HACE1: variants seen among roughly 807,000 people sequenced by gnomAD.
The protein encoded by HACE1 is E3 ubiquitin-protein ligase HACE1.
Under a neutral mutation model 118.4 loss-of-function variants are expected in HACE1, and 73 were observed. That is an observed-to-expected ratio of 0.62 (90% CI 0.51 to 0.75). The LOEUF is 0.75. Among genes scored for constraint, HACE1 ranks in the 30% least tolerant of loss-of-function variants. HACE1 has a pLI of 0.00. For synonymous variants in HACE1, 368 were observed against 374.8 expected (o/e 0.98, Z 0.21); for missense variants, 749 against 1,102.2 (o/e 0.68, Z 4.54).
intron 19 of HACE1, among the ~76,000 whole-genome samples, chr6:104,756,751 C>T (rs1160282963): frequency 6.6e-6 from 1 of 152,168 alleles, no homozygotes; most frequent in Non-Finnish European, 1.5e-5. Context: ...GTCGTTTCAC[C>T]CGGGAAGCGC....
intron 7 of HACE1, among the ~76,000 whole-genome samples, chr6:104,800,317 C>G (rs1770178848): frequency 6.6e-6 from 1 of 152,226 alleles, no homozygotes; most frequent in Admixed American, 6.5e-5. Context: ...CAGATAACTT[C>G]TGCAGACTGA....
chr6:104,753,818 T>C (rs1033505388), intron 19 of HACE1, among the ~76,000 whole-genome samples: 1 of 152,136 alleles, frequency 6.6e-6, no homozygotes, highest in Non-Finnish European at 1.5e-5. Flanking sequence ...ACAAAAATGC[T>C]GAAAACTCAA....
chr6:104,787,435 T>C (rs1782554517), intron 11 of HACE1: 3 of 152,178 alleles, frequency 2.0e-5, no homozygotes, highest in Admixed American at 1.3e-4. Flanking sequence ...AAGTTGAAAC[T>C]ATAGTTTCTC....
chr6:104,845,042 T>C (rs1775512589), intron 4 of HACE1, among the ~76,000 whole-genome samples: 1 of 152,164 alleles, frequency 6.6e-6, no homozygotes, highest in Non-Finnish European at 1.5e-5. Context: ...CAATACAGTG[T>C]GTATATGTTA....
At chr6:104,738,787 G>T (rs895115265) in intron 22 of HACE1, among the ~76,000 whole-genome samples, 1 of 145,490 alleles carries the variant, frequency 6.9e-6, no homozygotes, top group Non-Finnish European at 1.5e-5. Flanking sequence ...AGCAAGGCAG[G>T]CCAACGTTCA....
intron 5 of HACE1, among the ~76,000 whole-genome samples, chr6:104,833,854 G>A (rs369123797): frequency 6.6e-6 from 1 of 152,082 alleles, no homozygotes; most frequent in East Asian, 1.9e-4. Context: ...ACGTGGTGGT[G>A]CGTGCCTGTA....
chr6:104,742,464 A>T (rs927399459), intron 22 of HACE1, among the ~76,000 whole-genome samples: 43 of 151,992 alleles, frequency 2.8e-4, no homozygotes, highest in Non-Finnish European at 5.0e-4. Context: ...CAAATTTACA[A>T]GAAAAAAACA....
At chr6:104,771,125 T>C (rs1780560569) in intron 19 of HACE1, 68 bp downstream of exon 19, 4 of 1,120,308 alleles carry the variant, frequency 3.6e-6, no homozygotes, top group South Asian at 2.5e-5. Context: ...CAGAAGAATT[T>C]AGAGTAACTA....
At chr6:104,836,271 A>G (rs1027781811) in intron 5 of HACE1, among the ~76,000 whole-genome samples, 2 of 152,212 alleles carry the variant, frequency 1.3e-5, no homozygotes, top group Non-Finnish European at 2.9e-5. Flanking sequence ...AATCAAGCAC[A>G]TGAAAGGTAC....
chr6:104,730,369 C>G lies in HACE1; in HGVS notation c.2561G>C (p.Gly854Ala). 1.2e-6 allele frequency: 2 copies of G among 1,601,268 alleles called. No homozygotes were observed. Among genetic ancestry groups the G allele is most frequent in the Non-Finnish European group, 1.7e-6 (2 of 1,168,254 alleles). ...AGCAGCGATTGTAAAGTTTTGCAAT[C>G]CACTTCCACCCATGATATTAGCAAA... ...GGFANIMGGS[G>A]LQNFTIAAVP... Residue 854 changes from glycine to alanine, a missense_variant, in exon 23 of 24, where the codon GGA becomes GCA. Gly to Ala is a moderately conservative substitution (Grantham distance 60). This residue lies in a region of HACE1 where 165 missense variants were observed against 229.9 expected (regional missense o/e 0.72). Coordinates refer to ENST00000262903, the MANE Select transcript of HACE1 (RefSeq NM_020771.4).
At chr6:104,836,277 G>A (rs1774526724) in intron 5 of HACE1, among the ~76,000 whole-genome samples, 1 of 152,078 alleles carries the variant, frequency 6.6e-6, no homozygotes, top group African/African-American at 2.4e-5. Context: ...GCACATGAAA[G>A]GTACTGAATA....
rs764240735 is a variant in HACE1, at chr6:104,776,840, A to G, written c.1777-12T>C. 1.3e-6 allele frequency: 2 copies of G among 1,573,386 alleles called. No homozygotes were observed. Among genetic ancestry groups the G allele is most frequent in the Non-Finnish European group, 8.8e-7 (1 of 1,142,830 alleles). On this transcript the variant is annotated splice_polypyrimidine_tract_variant and intron_variant, in intron 16 of 23. Transcript: ENST00000262903. ...ACAACACCTTGACCCTGAATTCAAG[A>G]AATAAAATTAAGCATCAACAGAAAT... is the stretch of plus-strand genomic sequence containing the variant.
At chr6:104,859,414 G>A (rs1455715161) in intron 1 of HACE1, 153 bp downstream of exon 1, 2 of 635,170 alleles carry the variant, frequency 3.1e-6, no homozygotes, top group East Asian at 3.3e-5. Flanking sequence ...GGGGAGTTCG[G>A]GGCCCGGGGC....
intron 1 of HACE1, 88 bp downstream of exon 1, chr6:104,859,479 T>C: frequency 9.7e-7 from 1 of 1,027,850 alleles, no homozygotes. Flanking sequence ...TCAGTTAGTT[T>C]TTCCACCCGA....
chr6:104,799,722 T>C (rs1770084984), intron 7 of HACE1, among the ~76,000 whole-genome samples: 1 of 152,046 alleles, frequency 6.6e-6, no homozygotes, highest in Non-Finnish European at 1.5e-5. Flanking sequence ...TTATGTTTTA[T>C]AACCTTTAAA....
chr6:104,799,486 G>A (rs949355945), intron 7 of HACE1, among the ~76,000 whole-genome samples: 3 of 152,090 alleles, frequency 2.0e-5, no homozygotes, highest in African/African-American at 7.2e-5. Context: ...CCTGATTCAT[G>A]AATTGTTTTT....
chr6:104,859,294 A>C (rs1777063267), intron 1 of HACE1: 6 of 425,064 alleles, frequency 1.4e-5, no homozygotes, highest in East Asian at 9.3e-5. Context: ...CAAGACCCCT[A>C]ATCGACAGAC....
Position 104,832,969 on chromosome 6 carries a change from A to C in HACE1, c.534+73T>G. On this transcript the variant is annotated intron_variant, in intron 6 of 23. Transcript: ENST00000262903. Reference sequence around the variant, plus strand: ...TGCTTCATGTTCCCAAATATGCACAATGAAAAACTTTTCATGAAATCAATT... The same window carrying C: ...TGCTTCATGTTCCCAAATATGCACACTGAAAAACTTTTCATGAAATCAATT... 5.8e-6 allele frequency: 8 copies of C among 1,371,032 alleles called. No homozygotes were observed. In the Admixed American group the frequency reaches 1.3e-4, roughly 23 times the overall value. 84.9% of individuals were successfully genotyped at this position (1,371,032 alleles called of 1,614,324 possible).
intron 11 of HACE1, among the ~76,000 whole-genome samples, chr6:104,787,941 T>C (rs1341202728): frequency 6.6e-6 from 1 of 152,144 alleles, no homozygotes; most frequent in Non-Finnish European, 1.5e-5. Flanking sequence ...CTCTCTTTTC[T>C]TACCTTTTAT....
Sources: allele counts gnomAD v4.1 joint callset (sites outside exome capture counted in the v4.1 genomes callset), GRCh38; gene constraint gnomAD v4.1.1; regional missense constraint gnomAD v4.1.1; transcripts MANE v1.5; gene names NCBI Gene and HGNC (gene_info 2026-07-23, HGNC 2026-07-21).